The following LCOR variants were observed in gnomAD, a reference collection of about 807,000 sequenced individuals.
LCOR encodes ligand-dependent corepressor.
LCOR carries 14 observed loss-of-function variants against 64.4 expected under a neutral mutation model. That is an observed-to-expected ratio of 0.22 (90% confidence interval 0.14 to 0.34). The LOEUF (loss-of-function observed/expected upper bound fraction) is 0.34. Among genes scored for constraint, LCOR ranks in the 10% least tolerant of loss-of-function variants. LCOR has a pLI of 1.00. For synonymous variants in LCOR, 643 were observed against 642.5 expected (o/e 1.00, Z -0.01); for missense variants, 1,686 against 1,765.3 (o/e 0.96, Z 0.80).
chr10:96,926,985 G>A (rs1209607675), intron 4 of LCOR, among the ~76,000 whole-genome samples: 7 of 151,854 alleles, frequency 4.6e-5, no homozygotes, highest in Admixed American at 4.6e-4. Context: ...TGACTTAATT[G>A]TGTACATCTT....
In LCOR at chr10:96,832,974, G is replaced by T. The variant is rs1845371274; in HGVS notation, c.-403-432G>T. 3.0e-6 allele frequency: 3 copies of T among 984,462 alleles called. No homozygotes were observed. In the African/African-American group the frequency reaches 5.2e-5, roughly 17 times the overall value. 61.0% of individuals were successfully genotyped at this position (984,462 alleles called of 1,614,324 possible). A position where few individuals can be genotyped will look rare whatever the true frequency, so the allele number is the denominator to read the frequency against. ...GGGCGTGTGCGAAGCGTGAGGTGGA[G>T]ATGGGGGCGGAGGGAGCTGGAGCTG... On this transcript the variant is annotated intron_variant, in intron 1 of 7. Transcript: ENST00000421806.
chr10:96,941,247 C>T, intron 4 of LCOR, among the ~76,000 whole-genome samples: 1 of 140,590 alleles, frequency 7.1e-6, no homozygotes, highest in Non-Finnish European at 1.6e-5. Flanking sequence ...GCTGACCCCC[C>T]CACCTCCCTC....
At chr10:96,966,220 CTTTTTTTTT>C (rs34210121) in intron 7 of LCOR, among the ~76,000 whole-genome samples, 4 of 55,148 alleles carry the variant, frequency 7.3e-5, no homozygotes, top group Non-Finnish European at 1.0e-4. Context: ...CCAAAGGACT[CTTTTTTTTT>C]TTTTTTTTTT....
intron 2 of LCOR, among the ~76,000 whole-genome samples, chr10:96,885,391 C>T (rs1589631059): frequency 6.6e-6 from 1 of 151,476 alleles, no homozygotes; most frequent in Non-Finnish European, 1.5e-5. Flanking sequence ...TTTTTGTTTT[C>T]GTTTTTTTGA....
chr10:96,959,353 G>C (rs1847845118), intron 7 of LCOR: 1 of 151,968 alleles, frequency 6.6e-6, no homozygotes, highest in Non-Finnish European at 1.5e-5. Flanking sequence ...TTTTCCAGTA[G>C]GCAGATAACA....
rs1289663945 is a variant in LCOR, at chr10:96,989,693, ATATTTTTT to A, written c.*4561_*4568del. 4 of 81,428 alleles carry A rather than the reference ATATTTTTT, an allele frequency of 4.9e-5. No homozygotes were observed. Among genetic ancestry groups the A allele is most frequent in the African/African-American group, 3.0e-4 (4 of 13,484 alleles). The allele number at this position is 81,428 out of a possible 1,614,324, so 5.0% of individuals were successfully genotyped here. A position where few individuals can be genotyped will look rare whatever the true frequency, so the allele number is the denominator to read the frequency against. ...GATAAGGATATATATATATATATATATATTTTTTTTTTTTTTTTTTTTTTTTAATAGAG... is the reference window on the plus strand; with the variant it reads ...GATAAGGATATATATATATATATATATTTTTTTTTTTTTTTTTTAATAGAG... On this transcript the variant is annotated 3_prime_UTR_variant, in exon 8 of 8. Transcript: ENST00000421806.
At chr10:96,929,558 A>G (rs1847222463) in intron 4 of LCOR, among the ~76,000 whole-genome samples, 1 of 152,222 alleles carries the variant, frequency 6.6e-6, no homozygotes, top group South Asian at 2.1e-4. Context: ...TTCTATCCAG[A>G]CCACTCAGAC....
At chr10:96,943,340 G>A (rs1342750923) in intron 4 of LCOR, among the ~76,000 whole-genome samples, 2 of 152,088 alleles carry the variant, frequency 1.3e-5, no homozygotes, top group African/African-American at 4.8e-5. Flanking sequence ...CAAGTGATCC[G>A]CCCGCCTCGG....
At chr10:96,841,325 C>T (rs1293464175) in intron 2 of LCOR, among the ~76,000 whole-genome samples, 1 of 150,776 alleles carries the variant, frequency 6.6e-6, no homozygotes, top group East Asian at 2.0e-4. Flanking sequence ...TCTTATATAT[C>T]TGCATGACAC....
At chr10:96,968,537 T>G (rs978358405) in intron 7 of LCOR, among the ~76,000 whole-genome samples, 2 of 152,142 alleles carry the variant, frequency 1.3e-5, no homozygotes, top group Non-Finnish European at 2.9e-5. Flanking sequence ...AAAATCAGCA[T>G]TAATAGGTGA....
At chr10:96,833,784 T>C in intron 2 of LCOR, among the ~76,000 whole-genome samples, 1 of 152,242 alleles carries the variant, frequency 6.6e-6, no homozygotes, top group East Asian at 1.9e-4. Context: ...CAGGGTTTCG[T>C]TGGAAGGAAT....
intron 2 of LCOR, among the ~76,000 whole-genome samples, chr10:96,878,019 G>A (rs1846199492): frequency 6.6e-6 from 1 of 152,166 alleles, no homozygotes; most frequent in Non-Finnish European, 1.5e-5. Context: ...GAATAATTTA[G>A]TTAAGAAGAA....
At chr10:96,897,866 CTTTTTTT>C (rs59098946) in intron 2 of LCOR, among the ~76,000 whole-genome samples, 3 of 116,254 alleles carry the variant, frequency 2.6e-5, no homozygotes, top group Admixed American at 8.8e-5. Context: ...AGAAAGCCAT[CTTTTTTT>C]TTTTTTTTTT....
Position 96,952,142 on chromosome 10 carries a change from C to A in LCOR, c.278C>A (p.Ala93Asp), listed in dbSNP as rs754721192. Residue 93 changes from alanine to aspartate, a missense_variant, in exon 7 of 8, where the codon GCT becomes GAT. Physicochemically the swap from Ala to Asp is moderately radical, Grantham distance 126. Coordinates refer to ENST00000421806, the MANE Select transcript of LCOR (RefSeq NM_001346516.2). The stretch of plus-strand genomic sequence containing the variant: ...CTGTCCACTAAGAAAAGTCCATGTG[C>A]TGGCAGCACTTCCCTGAGCCACTCT... ...LDLSTKKSPC[A>D]GSTSLSHSPG... The A allele has an allele frequency of 2.2e-5, 35 of 1,613,932 alleles. No homozygotes were observed. The highest frequency in any genetic ancestry group is 2.8e-5 in the Non-Finnish European group (33 of 1,179,948).
chr10:96,896,468 G>A (rs577481882), intron 2 of LCOR, among the ~76,000 whole-genome samples: 5 of 151,920 alleles, frequency 3.3e-5, no homozygotes, highest in Non-Finnish European at 7.4e-5. Flanking sequence ...GTGTTGCCCA[G>A]ACTAAAGTGC....
At chr10:96,907,414 A>G (rs1456424513) in intron 3 of LCOR, 84 bp downstream of exon 3, 1 of 355,994 alleles carries the variant, frequency 2.8e-6, no homozygotes, top group Non-Finnish European at 3.9e-6. Context: ...TCTCCTTTTT[A>G]TTCACGGTTT....
intron 2 of LCOR, among the ~76,000 whole-genome samples, chr10:96,860,203 C>G (rs2134390988): frequency 6.6e-6 from 1 of 152,140 alleles, no homozygotes; most frequent in South Asian, 2.1e-4. Context: ...TTGTGTCCCC[C>G]AAAAAGATAC....
At position 96,899,777 on chromosome 10, in the gene LCOR, G is replaced by A. The variant is rs116702173; in HGVS notation, c.-329-7488G>A. 3.3e-3 allele frequency among the ~76,000 whole-genome samples: 499 copies of A among 151,724 alleles called. 3 individuals are homozygous for A. The highest frequency in any genetic ancestry group is 0.012 in the African/African-American group (480 of 41,368). On this transcript the variant is annotated intron_variant, in intron 2 of 7. Transcript: ENST00000421806. Reference sequence around the variant, plus strand: ...CAGGATGCAAACTTAGTAAAATTTCGGCTTAAAATCATAAGTCTAAATCAG... The same window carrying A: ...CAGGATGCAAACTTAGTAAAATTTCAGCTTAAAATCATAAGTCTAAATCAG...
At chr10:96,879,585 A>G (rs1340419329) in intron 2 of LCOR, among the ~76,000 whole-genome samples, 1 of 152,218 alleles carries the variant, frequency 6.6e-6, no homozygotes, top group Non-Finnish European at 1.5e-5. Context: ...CTTAGGCAAG[A>G]TTTTATGAGA....
Sources: gnomAD v4.1 joint callset for allele counts (sites outside exome capture counted in the v4.1 genomes callset) on GRCh38, gnomAD v4.1.1 for gene constraint, MANE v1.5 for transcripts, NCBI Gene and HGNC (gene_info 2026-07-23, HGNC 2026-07-21) for gene names.